Variants in STARD13 observed in about 807,000 individuals in gnomAD.
The protein encoded by STARD13 is stAR-related lipid transfer protein 13.
STARD13 carries 62 observed loss-of-function variants against 106.4 expected under a neutral mutation model. The ratio of observed to expected loss-of-function variants is 0.58; its 90% CI spans 0.48 to 0.72. The LOEUF is 0.72. STARD13 is among the 30% of genes least tolerant of loss of function. The pLI is 0.00. For synonymous variants in STARD13, 565 were observed against 553.0 expected (o/e 1.02, Z -0.31); for missense variants, 1,387 against 1,424.0 (o/e 0.97, Z 0.42).
the STARD13 span, among the ~76,000 whole-genome samples, chr13:33,614,228 G>A: frequency 2.0e-5 from 3 of 151,068 alleles, no homozygotes; most frequent in Admixed American, 6.6e-5. Flanking sequence ...AGCAGGACCC[G>A]AAGGCTGCCT....
chr13:33,571,962 C>A, the STARD13 span, among the ~76,000 whole-genome samples: 1 of 152,112 alleles, frequency 6.6e-6, no homozygotes, highest in East Asian at 1.9e-4. Flanking sequence ...AGGCCAATGT[C>A]CTCAGGACCT....
chr13:33,132,182 T>G (rs1434297697), intron 4 of STARD13, among the ~76,000 whole-genome samples: 1 of 152,244 alleles, frequency 6.6e-6, no homozygotes, highest in Non-Finnish European at 1.5e-5. Context: ...CAGAAAAGAA[T>G]TCTATGGCTT....
At chr13:33,300,979 T>C (rs1431383781) in intron 1 of STARD13, among the ~76,000 whole-genome samples, 2 of 152,218 alleles carry the variant, frequency 1.3e-5, no homozygotes, top group African/African-American at 4.8e-5. Flanking sequence ...TCAACGCTCA[T>C]TTCCTAAAGG....
intron 1 of STARD13, among the ~76,000 whole-genome samples, chr13:33,198,180 CAAAA>C (rs1886775859): frequency 6.6e-6 from 1 of 152,192 alleles, no homozygotes; most frequent in African/African-American, 2.4e-5. Context: ...AAAAACAAAA[CAAAA>C]GAAAAGCTGT....
chr13:33,432,705 A>G, the STARD13 span, among the ~76,000 whole-genome samples: 1 of 152,248 alleles, frequency 6.6e-6, no homozygotes, highest in South Asian at 2.1e-4. Flanking sequence ...TAACATACTT[A>G]TAAAAGGCAT....
intron 7 of STARD13, among the ~76,000 whole-genome samples, chr13:33,121,464 A>C (rs1876290822): frequency 1.3e-5 from 2 of 151,628 alleles, no homozygotes; most frequent in African/African-American, 4.8e-5. Flanking sequence ...GCTACTTGGA[A>C]GGCTGAGGTG....
intron 7 of STARD13, among the ~76,000 whole-genome samples, chr13:33,120,824 T>A (rs1475874936): frequency 1.3e-5 from 2 of 151,316 alleles, no homozygotes; most frequent in Non-Finnish European, 2.9e-5. Context: ...CAGGCTGGAG[T>A]GCAGTGGCGC....
At chr13:33,640,679 C>T in the STARD13 span, among the ~76,000 whole-genome samples, 9 of 152,152 alleles carry the variant, frequency 5.9e-5, no homozygotes, top group East Asian at 1.7e-3. Flanking sequence ...AATGTCCCTG[C>T]TCAGAAATAC....
intron 1 of STARD13, among the ~76,000 whole-genome samples, chr13:33,316,178 C>G (rs61696293): frequency 6.6e-6 from 1 of 152,302 alleles, no homozygotes; most frequent in African/African-American, 2.4e-5. Context: ...ACCTAATCTT[C>G]TCTAATTCTC....
At chr13:33,293,770 C>T (rs1892380722) in intron 1 of STARD13, among the ~76,000 whole-genome samples, 1 of 152,178 alleles carries the variant, frequency 6.6e-6, no homozygotes. Context: ...CTGGCCTAGC[C>T]TCCCAGCCTA....
At chr13:33,429,620 G>T in the STARD13 span, among the ~76,000 whole-genome samples, 2 of 152,296 alleles carry the variant, frequency 1.3e-5, 1 homozygote, top group South Asian at 4.1e-4. Context: ...CAACAACATG[G>T]ATGGAACTGG....
At chr13:33,609,105 A>AAAAAAAAAAAAAAAAAAAAG in the STARD13 span, among the ~76,000 whole-genome samples, 49 of 133,164 alleles carry the variant, frequency 3.7e-4, 5 homozygotes, top group African/African-American at 1.4e-3. Flanking sequence ...AAAAAAAAAA[A>AAAAAAAAAAAAAAAAAAAAG]AAATATTGAT....
the STARD13 span, among the ~76,000 whole-genome samples, chr13:33,558,317 A>G: frequency 6.6e-6 from 1 of 152,170 alleles, no homozygotes; most frequent in Admixed American, 6.5e-5. Context: ...ACAGGTTGTT[A>G]AGGTTAAATA....
chr13:33,146,895 T>A (rs1880618933), intron 3 of STARD13, among the ~76,000 whole-genome samples: 1 of 152,190 alleles, frequency 6.6e-6, no homozygotes, highest in South Asian at 2.1e-4. Flanking sequence ...ATCAACAGCA[T>A]CACCGTCAGA....
intron 7 of STARD13, among the ~76,000 whole-genome samples, chr13:33,120,651 G>A (rs908214182): frequency 2.0e-5 from 3 of 152,146 alleles, no homozygotes; most frequent in African/African-American, 7.2e-5. Flanking sequence ...AAGAAAAGGT[G>A]GTCTCAAATC....
At chr13:33,531,552 A>G in the STARD13 span, among the ~76,000 whole-genome samples, 1 of 152,182 alleles carries the variant, frequency 6.6e-6, no homozygotes, top group Non-Finnish European at 1.5e-5. Context: ...GCCTAGAAAT[A>G]GAAGTTTCTC....
chr13:33,293,468 G>A (rs1323076109), intron 1 of STARD13, among the ~76,000 whole-genome samples: 1 of 152,184 alleles, frequency 6.6e-6, no homozygotes, highest in Non-Finnish European at 1.5e-5. Flanking sequence ...TGTTGCTGAT[G>A]ATACAACTTG....
At chr13:33,313,175 T>C (rs537339169) in intron 1 of STARD13, among the ~76,000 whole-genome samples, 49 of 152,368 alleles carry the variant, frequency 3.2e-4, no homozygotes, top group Admixed American at 9.1e-4. Flanking sequence ...CTGATGGGAA[T>C]TTTTAAAATT....
At chr13:33,390,631 G>T in the STARD13 span, among the ~76,000 whole-genome samples, 1 of 152,162 alleles carries the variant, frequency 6.6e-6, no homozygotes, top group Non-Finnish European at 1.5e-5. Flanking sequence ...CACACTTTGT[G>T]TCAGGAATGC....
Sources: allele counts gnomAD v4.1 joint callset (sites outside exome capture counted in the v4.1 genomes callset), GRCh38; gene constraint gnomAD v4.1.1; transcripts MANE v1.5; gene names NCBI Gene and HGNC (gene_info 2026-07-23, HGNC 2026-07-21).